The following SORCS3 variants were observed in gnomAD, a reference collection of about 807,000 sequenced individuals.
The protein encoded by SORCS3 is sortilin related VPS10 domain containing receptor 3.
Under a neutral mutation model 146.3 loss-of-function variants are expected in SORCS3, and 57 were observed. That is an observed-to-expected ratio of 0.39 (90% CI 0.31 to 0.49). The LOEUF is 0.49. Ranked by LOEUF, SORCS3 falls within the 20% of genes least tolerant of loss-of-function variation. SORCS3 has a pLI of 0.92. For synonymous variants in SORCS3, 653 were observed against 618.5 expected (o/e 1.06, Z -0.83); for missense variants, 1,341 against 1,575.5 (o/e 0.85, Z 2.52).
intron 22 of SORCS3, among the ~76,000 whole-genome samples, chr10:105,249,432 C>G (rs549321036): frequency 6.6e-6 from 1 of 151,896 alleles, no homozygotes; most frequent in East Asian, 1.9e-4. Flanking sequence ...TTCCCCAAGG[C>G]AGAGGAGAAA....
intron 1 of SORCS3, among the ~76,000 whole-genome samples, chr10:104,728,235 G>A (rs557429523): frequency 5.4e-4 from 82 of 151,986 alleles, no homozygotes; most frequent in African/African-American, 1.9e-3. Context: ...TAAATGCTTA[G>A]AAGTAGAATT....
intron 2 of SORCS3, among the ~76,000 whole-genome samples, chr10:104,898,643 G>A (rs1050233071): frequency 2.0e-5 from 3 of 152,128 alleles, no homozygotes; most frequent in African/African-American, 7.2e-5. Flanking sequence ...CTGGCCCCTG[G>A]AAAGAGGCTA....
chr10:105,048,394 T>C (rs2055388720), intron 5 of SORCS3, among the ~76,000 whole-genome samples: 2 of 151,170 alleles, frequency 1.3e-5, no homozygotes, highest in Non-Finnish European at 2.9e-5. Flanking sequence ...GGGACATGGA[T>C]GAAGCTGGAA....
intron 1 of SORCS3, among the ~76,000 whole-genome samples, chr10:104,744,027 A>G (rs770179027): frequency 6.6e-6 from 1 of 152,184 alleles, no homozygotes; most frequent in African/African-American, 2.4e-5. Context: ...ACCTCATTTG[A>G]TCTTCACAAC....
chr10:105,263,259 G>A, intron 26 of SORCS3, 51 bp from the exon 27 acceptor site: 9 of 1,575,858 alleles, frequency 5.7e-6, no homozygotes, highest in Non-Finnish European at 7.9e-6. Flanking sequence ...TAAGATCCCT[G>A]CCCTTGTGGA....
intron 20 of SORCS3, among the ~76,000 whole-genome samples, chr10:105,234,771 T>A (rs556271601): frequency 2.6e-5 from 4 of 152,242 alleles, no homozygotes; most frequent in Non-Finnish European, 5.9e-5. Flanking sequence ...TTTGGCATGC[T>A]GTCTACCTTA....
At chr10:105,090,413 C>T (rs1452776187) in intron 6 of SORCS3, among the ~76,000 whole-genome samples, 1 of 152,188 alleles carries the variant, frequency 6.6e-6, no homozygotes, top group Non-Finnish European at 1.5e-5. Flanking sequence ...ACATGACCCG[C>T]TGTGTACCTT....
At chr10:104,746,739 C>T (rs910617388) in intron 1 of SORCS3, among the ~76,000 whole-genome samples, 1 of 152,032 alleles carries the variant, frequency 6.6e-6, no homozygotes, top group Non-Finnish European at 1.5e-5. Flanking sequence ...TTAGAGTCCA[C>T]GTAAAAGTGA....
intron 6 of SORCS3, among the ~76,000 whole-genome samples, chr10:105,095,118 G>T (rs1166069293): frequency 6.6e-6 from 1 of 152,038 alleles, no homozygotes; most frequent in African/African-American, 2.4e-5. Flanking sequence ...TCTTTTATCT[G>T]CTTGTTTCAC....
At chr10:104,857,173 G>A (rs994997481) in intron 2 of SORCS3, among the ~76,000 whole-genome samples, 1 of 151,100 alleles carries the variant, frequency 6.6e-6, no homozygotes, top group Admixed American at 6.7e-5. Flanking sequence ...CTGACAAATG[G>A]TTAGGAGGCA....
At chr10:105,090,672 G>A (rs951508905) in intron 6 of SORCS3, among the ~76,000 whole-genome samples, 10 of 152,122 alleles carry the variant, frequency 6.6e-5, no homozygotes, top group African/African-American at 2.4e-4. Context: ...TGGGGTACTC[G>A]GCTCTGTTAC....
At chr10:104,743,621 C>G (rs2016875326) in intron 1 of SORCS3, among the ~76,000 whole-genome samples, 2 of 152,076 alleles carry the variant, frequency 1.3e-5, no homozygotes, top group South Asian at 4.1e-4. Context: ...TTCTGGGTCC[C>G]TTTTAACCAT....
intron 2 of SORCS3, among the ~76,000 whole-genome samples, chr10:104,887,125 G>A (rs912747215): frequency 2.0e-5 from 3 of 152,192 alleles, no homozygotes; most frequent in African/African-American, 7.2e-5. Context: ...TTCACATGCA[G>A]TGATTATATG....
intron 1 of SORCS3, among the ~76,000 whole-genome samples, chr10:104,722,831 T>G (rs1299408775): frequency 6.6e-6 from 1 of 152,208 alleles, no homozygotes; most frequent in Non-Finnish European, 1.5e-5. Context: ...GATATCCCCT[T>G]TATCATTTTT....
At chr10:104,978,607 A>G (rs2054915923) in intron 4 of SORCS3, among the ~76,000 whole-genome samples, 1 of 152,158 alleles carries the variant, frequency 6.6e-6, no homozygotes, top group Non-Finnish European at 1.5e-5. Flanking sequence ...GTGATCAATC[A>G]TGGGATCTAA....
chr10:104,932,059 T>A (rs2133611459), intron 3 of SORCS3, among the ~76,000 whole-genome samples: 1 of 152,326 alleles, frequency 6.6e-6, no homozygotes, highest in East Asian at 1.9e-4. Context: ...AATAATGAAC[T>A]GCTGGCTTCC....
intron 1 of SORCS3, among the ~76,000 whole-genome samples, chr10:104,807,918 C>T (rs574613833): frequency 9.2e-5 from 14 of 152,290 alleles, no homozygotes; most frequent in South Asian, 2.1e-4. Flanking sequence ...GAAATGGATT[C>T]CCAGGAAGGG....
intron 19 of SORCS3, 128 bp from the exon 20 acceptor site, chr10:105,222,988 T>C: frequency 1.0e-6 from 1 of 955,086 alleles, no homozygotes; most frequent in Non-Finnish European, 1.5e-6. Context: ...TCCCAATGTA[T>C]ATGGTTTTGT....
intron 1 of SORCS3, among the ~76,000 whole-genome samples, chr10:104,835,354 T>C (rs906698458): frequency 6.6e-6 from 1 of 152,142 alleles, no homozygotes; most frequent in Non-Finnish European, 1.5e-5. Context: ...TGAGTCCTAT[T>C]CCACTTGGCT....
Sources: allele counts gnomAD v4.1 joint callset (sites outside exome capture counted in the v4.1 genomes callset), GRCh38; gene constraint gnomAD v4.1.1; transcripts MANE v1.5; gene names NCBI Gene and HGNC (gene_info 2026-07-23, HGNC 2026-07-21).